The following ABCC8 variants were observed in gnomAD, a reference collection of about 807,000 sequenced individuals.
The protein encoded by ABCC8 is ATP-binding cassette sub-family C member 8.
Under a neutral mutation model 188.0 loss-of-function variants are expected in ABCC8, and 137 were observed. That is an observed-to-expected ratio of 0.73 (90% CI 0.63 to 0.84). The LOEUF is 0.84. Ranked by LOEUF, ABCC8 falls within the 40% of genes least tolerant of loss-of-function variation. The pLI is 0.00. For synonymous variants in ABCC8, 797 were observed against 846.5 expected (o/e 0.94, Z 1.01); for missense variants, 1,750 against 2,072.7 (o/e 0.84, Z 3.02).
intron 7 of ABCC8, among the ~76,000 whole-genome samples, chr11:17,450,286 C>CTT (rs1425969396): frequency 7.4e-6 from 1 of 134,784 alleles, no homozygotes; most frequent in Non-Finnish European, 1.5e-5. Flanking sequence ...TTCTTTCTTT[C>CTT]TTTCTTTCTT....
intron 20 of ABCC8, 144 bp downstream of exon 20, chr11:17,413,250 C>CA: frequency 7.6e-7 from 1 of 1,307,548 alleles, no homozygotes; most frequent in South Asian, 1.3e-5. Flanking sequence ...TCATCAAGAA[C>CA]AACATGTTTG....
Position 17,396,619 on chromosome 11 carries a change from C to T in ABCC8, c.4119+297G>A, listed in dbSNP as rs544235808. The T allele has an allele frequency of 2.2e-5, 10 of 447,144 alleles. No individual in the cohort carries two copies. The East Asian group carries it at 4.6e-4, about 21-fold the overall frequency. 27.7% of individuals were successfully genotyped at this position (447,144 alleles called of 1,614,324 possible). A position where few individuals can be genotyped will look rare whatever the true frequency, so the allele number is the denominator to read the frequency against. ...GCAGTGCCCTAGGGAAAGCCCCTGA[C>T]CATTCGCAGAGAGGGAGGCCCTGAC... is the stretch of plus-strand genomic sequence containing the variant. On this transcript the variant is annotated intron_variant, in intron 33 of 38. Transcript: ENST00000389817.
intron 14 of ABCC8, 52 bp downstream of exon 14, chr11:17,428,237 C>T (rs1014199318): frequency 1.3e-4 from 215 of 1,612,364 alleles, no homozygotes; most frequent in East Asian, 1.0e-3. Context: ...AGGTGCTGAG[C>T]TCCCTCTGGG....
At position 17,413,482 on chromosome 11, in the gene ABCC8, G is replaced by A; in HGVS notation, c.2391-4C>T. 6.2e-7 allele frequency: 1 copy of A among 1,613,790 alleles called. No individual in the cohort carries two copies. The highest frequency in any genetic ancestry group is 1.7e-4 in the Middle Eastern group (1 of 5,722). Reference sequence around the variant, plus strand: ...GGCTTCAATGACCATCTTGTACCTGGCGTGGGTAGAGGCAGGGGATGCAGC... The same window carrying A: ...GGCTTCAATGACCATCTTGTACCTGACGTGGGTAGAGGCAGGGGATGCAGC... On this transcript the variant is annotated splice_region_variant and splice_polypyrimidine_tract_variant and intron_variant, in intron 19 of 38. Coordinates refer to ENST00000389817, the MANE Select transcript of ABCC8 (RefSeq NM_000352.6).
intron 19 of ABCC8, 101 bp downstream of exon 19, chr11:17,414,411 G>T: frequency 6.7e-7 from 1 of 1,499,642 alleles, no homozygotes; most frequent in Non-Finnish European, 9.3e-7. Flanking sequence ...GGAGTGAGAT[G>T]GCTGGGTGTG....
chr11:17,463,972 T>C (rs1847991181), intron 3 of ABCC8, among the ~76,000 whole-genome samples: 1 of 152,134 alleles, frequency 6.6e-6, no homozygotes, highest in Non-Finnish European at 1.5e-5. Context: ...ACCATAACTT[T>C]TCAAAGAAAG....
At chr11:17,430,481 C>T (rs982254242) in intron 12 of ABCC8, 3 of 387,050 alleles carry the variant, frequency 7.8e-6, no homozygotes, top group Non-Finnish European at 1.5e-5. Flanking sequence ...TTCTTGGTGG[C>T]TCTGGAGGGT....
At chr11:17,439,107 G>T (rs1022390892) in intron 10 of ABCC8, among the ~76,000 whole-genome samples, 1 of 152,098 alleles carries the variant, frequency 6.6e-6, no homozygotes, top group Non-Finnish European at 1.5e-5. Flanking sequence ...GGCACAGAGT[G>T]GGGCACATGA....
rs758214201 is a variant in ABCC8 at position 17,414,469 on chromosome 11, G to C, written c.2390+43C>G. 8 of 1,611,608 alleles carry C rather than the reference G, an allele frequency of 5.0e-6. No individual in the cohort carries two copies. In the South Asian group the frequency reaches 8.8e-5, roughly 18 times the overall value. Reference sequence around the variant, plus strand: ...AACTGGGGCAGGCTGGCCAGAGACAGTTCCTCCCCTCCACATCCTGCCTCC... The same window carrying C: ...AACTGGGGCAGGCTGGCCAGAGACACTTCCTCCCCTCCACATCCTGCCTCC... On this transcript the variant is annotated intron_variant, in intron 19 of 38. Coordinates refer to ENST00000389817, the MANE Select transcript of ABCC8 (RefSeq NM_000352.6).
chr11:17,435,922 A>G (rs1375079224), intron 10 of ABCC8: 4 of 1,472,870 alleles, frequency 2.7e-6, no homozygotes, highest in African/African-American at 2.8e-5. Context: ...CAGGGCCAAC[A>G]TGCCAAAAAG....
intron 20 of ABCC8, 134 bp from the exon 21 acceptor site, chr11:17,412,880 TA>T (rs1954883720): frequency 6.6e-7 from 1 of 1,518,236 alleles, no homozygotes; most frequent in African/African-American, 1.4e-5. Context: ...TCACCTTGCA[TA>T]GAGAAGGAAC....
chr11:17,476,562 G>T, intron 1 of ABCC8, 67 bp downstream of exon 1: 2 of 1,561,112 alleles, frequency 1.3e-6, no homozygotes, highest in Non-Finnish European at 1.7e-6. Context: ...GCGGTGCGGC[G>T]CGCAGCGCCT....
In ABCC8 at chr11:17,397,173, C is replaced by T. The variant is rs1953978101; in HGVS notation, c.3988+20G>A. 6.2e-7 allele frequency: 1 copy of T among 1,613,474 alleles called. No homozygotes were observed. The highest frequency in any genetic ancestry group is 8.5e-7 in the Non-Finnish European group (1 of 1,179,996). On this transcript the variant is annotated intron_variant, in intron 32 of 38. Transcript: ENST00000389817. ...ACTCCTCCTTGGACTCTTCCCCACC[C>T]CTCTCCCTGAGCCTCTCACCCAGGA...
chr11:17,399,750 T>C (rs1954140043), intron 29 of ABCC8, among the ~76,000 whole-genome samples: 1 of 152,224 alleles, frequency 6.6e-6, no homozygotes, highest in Non-Finnish European at 1.5e-5. Context: ...CACCTGGCAC[T>C]ATCAATAAAT....
At chr11:17,434,982 CGCGT>C (rs748108516) in intron 10 of ABCC8, among the ~76,000 whole-genome samples, 13 of 62,758 alleles carry the variant, frequency 2.1e-4, no homozygotes, top group South Asian at 1.6e-3. Flanking sequence ...TGCGTGTGTT[CGCGT>C]GTGTGTGTGT....
intron 25 of ABCC8, 47 bp downstream of exon 25, chr11:17,406,839 CCT>C: frequency 1.9e-6 from 3 of 1,614,186 alleles, no homozygotes; most frequent in Non-Finnish European, 2.5e-6. Context: ...TGGGCTCAGC[CCT>C]TCCCCCATCC....
chr11:17,425,037 T>C (rs1229779431), intron 16 of ABCC8, among the ~76,000 whole-genome samples: 1 of 152,212 alleles, frequency 6.6e-6, no homozygotes, highest in Non-Finnish European at 1.5e-5. Flanking sequence ...GACTCTTGTC[T>C]TCTTGCTGCA....
At chr11:17,411,706 T>C (rs1954812090) in intron 21 of ABCC8, among the ~76,000 whole-genome samples, 1 of 152,082 alleles carries the variant, frequency 6.6e-6, no homozygotes, top group African/African-American at 2.4e-5. Context: ...GGCCCCCTCA[T>C]AGTTTATGCC....
chr11:17,403,378 C>G (rs1954345333), intron 28 of ABCC8, among the ~76,000 whole-genome samples: 1 of 152,164 alleles, frequency 6.6e-6, no homozygotes, highest in South Asian at 2.1e-4. Flanking sequence ...TCTCCAGGGT[C>G]AGACTGGGTG....
Sources: gnomAD v4.1 joint callset for allele counts (sites outside exome capture counted in the v4.1 genomes callset) on GRCh38, gnomAD v4.1.1 for gene constraint, MANE v1.5 for transcripts, NCBI Gene and HGNC (gene_info 2026-07-23, HGNC 2026-07-21) for gene names.